Variants in AGBL4 observed in about 807,000 individuals in gnomAD.
AGBL4 encodes AGBL carboxypeptidase 4.
Under a neutral mutation model 66.4 loss-of-function variants are expected in AGBL4, and 58 were observed. The ratio of observed to expected loss-of-function variants is 0.87; its 90% CI spans 0.71 to 1.09. The LOEUF (loss-of-function observed/expected upper bound fraction) is 1.09, where lower values mean the gene tolerates loss of function less well. Ranked by LOEUF, AGBL4 falls within the 50% of genes least tolerant of loss-of-function variation. AGBL4 has a pLI of 0.00. For missense variants in AGBL4, 579 were observed against 631.0 expected, an observed-to-expected ratio of 0.92 and a Z score of 0.88; for synonymous variants, 234 against 222.9, an observed-to-expected ratio of 1.05 and a Z score of -0.44.
Position 49,034,023 on chromosome 1 carries a change from G to C in AGBL4, c.594+11561C>G, listed in dbSNP as rs572836232. Among the ~76,000 whole-genome samples, 54 of 151,980 alleles carry C rather than the reference G, an allele frequency of 3.6e-4. 1 individual carries two copies. Among genetic ancestry groups the C allele is most frequent in the African/African-American group, 1.2e-3 (48 of 41,490 alleles). Reference sequence around the variant, plus strand: ...GGGCCAATCCCATGACAAGGGGTTGGAGTTCCAGTGTTGATTCCTATCACC... The same window carrying C: ...GGGCCAATCCCATGACAAGGGGTTGCAGTTCCAGTGTTGATTCCTATCACC... On this transcript the variant is annotated intron_variant, in intron 5 of 13. Coordinates refer to ENST00000371839, the MANE Select transcript of AGBL4 (RefSeq NM_032785.4).
At chr1:49,410,658 G>A (rs773830478) in intron 3 of AGBL4, among the ~76,000 whole-genome samples, 5 of 152,140 alleles carry the variant, frequency 3.3e-5, no homozygotes, top group Non-Finnish European at 7.3e-5. Flanking sequence ...CTAGGTTCTA[G>A]CTCTCTTGAT....
intron 3 of AGBL4, among the ~76,000 whole-genome samples, chr1:49,624,137 T>A (rs1481003099): frequency 6.6e-6 from 1 of 152,088 alleles, no homozygotes; most frequent in Non-Finnish European, 1.5e-5. Flanking sequence ...ATTATTATCA[T>A]CATCATAATT....
chr1:49,721,526 T>C (rs1648609934), intron 2 of AGBL4, among the ~76,000 whole-genome samples: 1 of 152,100 alleles, frequency 6.6e-6, no homozygotes, highest in Non-Finnish European at 1.5e-5. Context: ...TTAGGACAAG[T>C]TGCTGGAGAG....
At chr1:49,536,485 A>G (rs1309088692) in intron 3 of AGBL4, among the ~76,000 whole-genome samples, 1 of 152,204 alleles carries the variant, frequency 6.6e-6, no homozygotes, top group East Asian at 1.9e-4. Context: ...TTAACCAAAC[A>G]CTACAAATTC....
chr1:49,584,535 C>A (rs575363498), intron 3 of AGBL4, among the ~76,000 whole-genome samples: 1 of 152,070 alleles, frequency 6.6e-6, no homozygotes, highest in Non-Finnish European at 1.5e-5. Flanking sequence ...TAGACAATGA[C>A]CATAATTTTT....
chr1:49,741,871 C>A (rs1253967890), intron 2 of AGBL4, among the ~76,000 whole-genome samples: 3 of 151,842 alleles, frequency 2.0e-5, no homozygotes, highest in African/African-American at 7.3e-5. Flanking sequence ...TAAAAACTCT[C>A]AATAAATTAG....
chr1:49,668,759 A>T (rs1464787855), intron 3 of AGBL4, among the ~76,000 whole-genome samples: 3 of 152,186 alleles, frequency 2.0e-5, no homozygotes, highest in Non-Finnish European at 4.4e-5. Context: ...GTTTTAAAGA[A>T]ATCCAAAATT....
intron 6 of AGBL4, among the ~76,000 whole-genome samples, chr1:48,728,846 A>G (rs541668355): frequency 5.4e-4 from 82 of 152,308 alleles, no homozygotes; most frequent in African/African-American, 1.9e-3. Flanking sequence ...CCCCATTTCA[A>G]TAGTACTTGA....
chr1:49,469,160 TAA>T (rs1247585048), intron 3 of AGBL4, among the ~76,000 whole-genome samples: 1 of 151,902 alleles, frequency 6.6e-6, no homozygotes, highest in Non-Finnish European at 1.5e-5. Flanking sequence ...TTAGTATACT[TAA>T]GTGTTTATGC....
chr1:48,680,895 T>A (rs1329428165), intron 6 of AGBL4, among the ~76,000 whole-genome samples: 1 of 152,136 alleles, frequency 6.6e-6, no homozygotes, highest in Non-Finnish European at 1.5e-5. Flanking sequence ...TGCTTGCAGG[T>A]AATAGAGAAT....
At chr1:48,618,826 C>G (rs868827264) in intron 9 of AGBL4, among the ~76,000 whole-genome samples, 1 of 151,808 alleles carries the variant, frequency 6.6e-6, no homozygotes, top group African/African-American at 2.4e-5. Context: ...TTACAGTGGT[C>G]GGGGGAGGAG....
At chr1:49,683,788 T>G (rs1646740057) in intron 3 of AGBL4, among the ~76,000 whole-genome samples, 1 of 152,098 alleles carries the variant, frequency 6.6e-6, no homozygotes, top group African/African-American at 2.4e-5. Flanking sequence ...TTTATCTGAG[T>G]AATTAAGTAG....
At chr1:49,596,160 A>T (rs549869335) in intron 3 of AGBL4, among the ~76,000 whole-genome samples, 1 of 152,252 alleles carries the variant, frequency 6.6e-6, no homozygotes, top group Non-Finnish European at 1.5e-5. Context: ...CTTCTGCAGG[A>T]AACATGGAGG....
intron 1 of AGBL4, among the ~76,000 whole-genome samples, chr1:49,929,348 C>T (rs143052492): frequency 7.3e-5 from 11 of 151,052 alleles, no homozygotes; most frequent in South Asian, 4.2e-4. Flanking sequence ...AAAGCAACCC[C>T]AAAAAAGGAC....
chr1:48,708,963 G>A lies in AGBL4; in HGVS notation c.635-45722C>T, dbSNP rs1050814676. On this transcript the variant is annotated intron_variant, in intron 6 of 13. Coordinates refer to ENST00000371839, the MANE Select transcript of AGBL4 (RefSeq NM_032785.4). Reference sequence around the variant, plus strand: ...GTTGGAAGGGAAGAGGGGAAGGATGGCCACATATTGCCTGAGGACAAAGAC... The same window carrying A: ...GTTGGAAGGGAAGAGGGGAAGGATGACCACATATTGCCTGAGGACAAAGAC... Among the ~76,000 whole-genome samples, 6 of 152,190 alleles carry A rather than the reference G, an allele frequency of 3.9e-5. No individual in the cohort carries two copies. The South Asian group carries it at 6.2e-4, about 16-fold the overall frequency.
chr1:49,877,219 G>A (rs1020620522), intron 1 of AGBL4, among the ~76,000 whole-genome samples: 2 of 151,048 alleles, frequency 1.3e-5, no homozygotes, highest in African/African-American at 4.9e-5. Flanking sequence ...GTGAGAGAGG[G>A]CATCCCTGTC....
chr1:49,723,862 T>C (rs1443655340), intron 2 of AGBL4, among the ~76,000 whole-genome samples: 1 of 152,164 alleles, frequency 6.6e-6, no homozygotes, highest in Non-Finnish European at 1.5e-5. Flanking sequence ...ATTTACTGAA[T>C]GAATTATGTG....
intron 2 of AGBL4, among the ~76,000 whole-genome samples, chr1:49,720,594 A>G (rs1222308546): frequency 3.9e-5 from 6 of 152,076 alleles, no homozygotes; most frequent in Non-Finnish European, 8.8e-5. Context: ...TCACATCTCC[A>G]ACCCTTTTTA....
At chr1:48,643,560 C>T (rs1328093212) in intron 8 of AGBL4, among the ~76,000 whole-genome samples, 2 of 152,178 alleles carry the variant, frequency 1.3e-5, no homozygotes, top group African/African-American at 2.4e-5. Context: ...ATGACTTAAC[C>T]TCTCTTTGAG....
Sources: gnomAD v4.1 joint callset for allele counts (sites outside exome capture counted in the v4.1 genomes callset) on GRCh38, gnomAD v4.1.1 for gene constraint, MANE v1.5 for transcripts, NCBI Gene and HGNC (gene_info 2026-07-23, HGNC 2026-07-21) for gene names.